The following C12orf56 variants were observed in gnomAD, a reference collection of about 807,000 sequenced individuals.
The protein encoded by C12orf56 is chromosome 12 open reading frame 56, also known as uncharacterized protein C12orf56.
A neutral mutation model predicts 69.9 loss-of-function variants in C12orf56; 71 were observed. That is an observed-to-expected ratio of 1.02 (90% confidence interval 0.84 to 1.24). C12orf56 has a LOEUF of 1.24. Ranked by LOEUF, C12orf56 falls within the 50% of genes most tolerant of loss-of-function variation. C12orf56 has a pLI of 0.00. For synonymous variants in C12orf56, 276 were observed against 274.1 expected (o/e 1.01, Z -0.07); for missense variants, 732 against 738.5 (o/e 0.99, Z 0.10).
intron 8 of C12orf56, 31 bp from the exon 9 acceptor site, chr12:64,277,834 G>A (rs2038073478): frequency 6.7e-7 from 1 of 1,490,166 alleles, no homozygotes; most frequent in Non-Finnish European, 9.0e-7. Context: ...GGCAATTAGT[G>A]AGCAAAGTGT....
intron 1 of C12orf56, among the ~76,000 whole-genome samples, chr12:64,357,540 G>A (rs896869832): frequency 1.3e-5 from 2 of 151,764 alleles, no homozygotes; most frequent in South Asian, 2.1e-4. Context: ...AGCTTCCTGA[G>A]TAGCTGAGAC....
chr12:64,317,562 C>A (rs1474603208), intron 4 of C12orf56, among the ~76,000 whole-genome samples: 1 of 152,014 alleles, frequency 6.6e-6, no homozygotes, highest in African/African-American at 2.4e-5. Flanking sequence ...GAGTTCGAGA[C>A]CAGCCTGCCC....
chr12:64,331,864 G>A (rs1017460602), intron 2 of C12orf56, among the ~76,000 whole-genome samples: 17 of 151,690 alleles, frequency 1.1e-4, no homozygotes, highest in Admixed American at 7.9e-4. Context: ...ACAGTGGTCC[G>A]CTGTTATTCT....
At chr12:64,365,162 C>CTTTT (rs386376771) in intron 1 of C12orf56, among the ~76,000 whole-genome samples, 6 of 123,072 alleles carry the variant, frequency 4.9e-5, no homozygotes, top group Non-Finnish European at 6.5e-5. Flanking sequence ...AAAGCTGTTC[C>CTTTT]TTTTTTTTTT....
intron 1 of C12orf56, among the ~76,000 whole-genome samples, chr12:64,362,136 C>T (rs2039407909): frequency 6.6e-6 from 1 of 152,146 alleles, no homozygotes; most frequent in African/African-American, 2.4e-5. Context: ...GATCGGGACC[C>T]CTTTCCAGTA....
chr12:64,344,837 AT>A (rs200192112), intron 2 of C12orf56, among the ~76,000 whole-genome samples: 2,550 of 152,192 alleles, frequency 0.017, 63 homozygotes, highest in African/African-American at 0.058. Flanking sequence ...CTTCCCCTAC[AT>A]TAAACCAAGG....
At chr12:64,313,785 C>G (rs1476333681) in intron 4 of C12orf56, among the ~76,000 whole-genome samples, 1 of 151,694 alleles carries the variant, frequency 6.6e-6, no homozygotes, top group African/African-American at 2.4e-5. Flanking sequence ...TGGCTCACAC[C>G]TGTAATTCCA....
intron 1 of C12orf56, among the ~76,000 whole-genome samples, chr12:64,386,425 C>T (rs11175374): frequency 0.29 from 38,210 of 132,048 alleles, 5,595 homozygotes; most frequent in East Asian, 0.56. Flanking sequence ...AGACGGAGTT[C>T]CACTCTTGTT....
In C12orf56 at chr12:64,303,728, A is replaced by G; in HGVS notation, c.1020T>C (p.Leu340=). 1 of 1,585,540 alleles carries G rather than the reference A, an allele frequency of 6.3e-7. No individual in the cohort carries two copies. The highest frequency in any genetic ancestry group is 8.6e-7 in the Non-Finnish European group (1 of 1,166,144). The change falls in exon 6 of 13, where the codon CTT becomes CTC. Residue 340 remains leucine, a synonymous_variant. Coordinates refer to ENST00000543942, the MANE Select transcript of C12orf56 (RefSeq NM_001170633.2). Reference sequence around the variant, plus strand: ...GTATCCTCCTCAAAGAATTGTCTTTAAGAAAAAGTTCAGATTTAAGTTGAC... The same window carrying G: ...GTATCCTCCTCAAAGAATTGTCTTTGAGAAAAAGTTCAGATTTAAGTTGAC... ...HFSQLKSELF[L]KDNSLRRILS... is the part of the protein sequence containing the mutation.
At chr12:64,339,270 T>C (rs1038910656) in intron 2 of C12orf56, among the ~76,000 whole-genome samples, 2 of 152,156 alleles carry the variant, frequency 1.3e-5, no homozygotes, top group East Asian at 1.9e-4. Flanking sequence ...CCTAAGAAGG[T>C]AGGGGAAAAG....
chr12:64,352,339 A>G, intron 2 of C12orf56: 1 of 152,422 alleles, frequency 6.6e-6, no homozygotes, highest in Non-Finnish European at 1.5e-5. Flanking sequence ...ACCCTGAGAC[A>G]GGCCTCTGAG....
At chr12:64,299,319 G>T (rs889688193) in intron 6 of C12orf56, among the ~76,000 whole-genome samples, 2 of 152,190 alleles carry the variant, frequency 1.3e-5, no homozygotes, top group Admixed American at 1.3e-4. Flanking sequence ...ATACAATCAT[G>T]TCATCTGTGA....
At chr12:64,273,070 G>A (rs1424245288) in intron 11 of C12orf56, among the ~76,000 whole-genome samples, 2 of 152,208 alleles carry the variant, frequency 1.3e-5, no homozygotes, top group Non-Finnish European at 2.9e-5. Context: ...CAAGGTGGAT[G>A]ATCACCTGAG....
intron 1 of C12orf56, among the ~76,000 whole-genome samples, chr12:64,360,343 T>C (rs982992587): frequency 1.3e-5 from 2 of 152,150 alleles, no homozygotes; most frequent in Non-Finnish European, 2.9e-5. Context: ...GAGAATCGCT[T>C]GAACCCGGGA....
chr12:64,269,055 G>T (rs2037947946), intron 12 of C12orf56, among the ~76,000 whole-genome samples: 1 of 151,632 alleles, frequency 6.6e-6, no homozygotes, highest in Non-Finnish European at 1.5e-5. Flanking sequence ...AGGGGGCATT[G>T]CTTGAGCCCA....
rs185863640 is a variant in C12orf56, at chr12:64,285,979, G to C, written c.1195C>G (p.Gln399Glu). ...ACCAGCTCATCAACCCTTTGGCTTT[G>C]ATTTTGTAGTGCATTCTTATCCCTA... is the stretch of plus-strand genomic sequence containing the variant. Reference protein sequence around the residue: ...ESRDKNALQNQSQRVDELVAC... With the variant: ...ESRDKNALQNESQRVDELVAC... The change falls in exon 7 of 13, where the codon CAA (glutamine) becomes GAA (glutamate). Residue 399 changes from glutamine to glutamate, a missense_variant. Transcript: ENST00000543942. 6.2e-7 allele frequency: 1 copy of C among 1,606,344 alleles called. No homozygotes were observed. The highest frequency in any genetic ancestry group is 8.5e-7 in the Non-Finnish European group (1 of 1,175,092).
intron 6 of C12orf56, among the ~76,000 whole-genome samples, chr12:64,302,826 A>G (rs903383631): frequency 2.0e-5 from 3 of 152,214 alleles, no homozygotes; most frequent in Non-Finnish European, 2.9e-5. Flanking sequence ...ACAGTAGGGG[A>G]AACTGCACAA....
chr12:64,385,017 G>A (rs183254583), intron 1 of C12orf56, among the ~76,000 whole-genome samples: 4 of 148,518 alleles, frequency 2.7e-5, no homozygotes, highest in Admixed American at 6.8e-5. Context: ...TCTTGCCACC[G>A]CACTCCAGCC....
chr12:64,353,507 C>T (rs1348786350), intron 1 of C12orf56, among the ~76,000 whole-genome samples: 1 of 151,792 alleles, frequency 6.6e-6, no homozygotes, highest in African/African-American at 2.4e-5. Context: ...TGGACATCTT[C>T]CTTTTCTTAT....
Sources: allele counts gnomAD v4.1 joint callset (sites outside exome capture counted in the v4.1 genomes callset), GRCh38; gene constraint gnomAD v4.1.1; transcripts MANE v1.5; gene names NCBI Gene and HGNC (gene_info 2026-07-23, HGNC 2026-07-21).